PSMA1: variants seen among roughly 807,000 people sequenced by gnomAD.
The protein encoded by PSMA1 is proteasome subunit alpha type-1.
In PSMA1, 3 loss-of-function variants were observed where a neutral mutation model predicts 38.4. The observed-to-expected ratio is 0.08, with a 90% CI of 0.04 to 0.20. The LOEUF (loss-of-function observed/expected upper bound fraction) is 0.20, where lower values mean the gene tolerates loss of function less well. PSMA1 is among the 10% of genes least tolerant of loss of function. The pLI is 1.00. For missense variants in PSMA1, 227 were observed against 325.3 expected (o/e 0.70, Z 2.32); for synonymous variants, 101 against 107.1 (o/e 0.94, Z 0.35).
At chr11:14,556,876 C>T (rs1851945440) in intron 2 of PSMA1, among the ~76,000 whole-genome samples, 1 of 152,164 alleles carries the variant, frequency 6.6e-6, no homozygotes, top group South Asian at 2.1e-4. Flanking sequence ...TGCTCTGTTG[C>T]CCAGGCTAGG....
chr11:14,560,465 A>C (rs1851995870), intron 2 of PSMA1, among the ~76,000 whole-genome samples: 1 of 152,072 alleles, frequency 6.6e-6, no homozygotes, highest in South Asian at 2.1e-4. Context: ...TCTGGTTACT[A>C]TGTCCTTCTT....
intron 2 of PSMA1, among the ~76,000 whole-genome samples, chr11:14,571,854 G>A (rs558734074): frequency 2.0e-5 from 3 of 152,118 alleles, no homozygotes; most frequent in South Asian, 4.2e-4. Flanking sequence ...AAAAAAGCAG[G>A]GTTGCAAGTC....
chr11:14,642,249 C>G (rs920090499), intron 1 of PSMA1, among the ~76,000 whole-genome samples: 1 of 152,152 alleles, frequency 6.6e-6, no homozygotes, highest in Admixed American at 6.5e-5. Flanking sequence ...CAAAATGTAT[C>G]CATTTTTTAC....
chr11:14,582,803 T>C (rs1852298831), intron 2 of PSMA1, among the ~76,000 whole-genome samples: 1 of 151,978 alleles, frequency 6.6e-6, no homozygotes, highest in Admixed American at 6.6e-5. Flanking sequence ...AGTGTTAGGA[T>C]TACAGGCGTG....
chr11:14,634,199 G>T (rs1853081968), intron 1 of PSMA1, among the ~76,000 whole-genome samples: 2 of 152,124 alleles, frequency 1.3e-5, no homozygotes, highest in Non-Finnish European at 2.9e-5. Flanking sequence ...ATCCCCCCCG[G>T]TCTGTGGAAA....
chr11:14,617,875 G>A (rs1376258179), intron 1 of PSMA1, among the ~76,000 whole-genome samples: 1 of 152,112 alleles, frequency 6.6e-6, no homozygotes, highest in Non-Finnish European at 1.5e-5. Context: ...CCTTGCCTAG[G>A]AGAGAGAAGT....
chr11:14,505,320 A>G, intron 9 of PSMA1, 72 bp from the exon 10 acceptor site: 1 of 1,250,364 alleles, frequency 8.0e-7, no homozygotes, highest in African/African-American at 1.5e-5. Flanking sequence ...AATCACAAAT[A>G]TTACGTTATT....
chr11:14,533,805 G>A (rs982400701), intron 2 of PSMA1, among the ~76,000 whole-genome samples: 2 of 151,950 alleles, frequency 1.3e-5, no homozygotes, highest in African/African-American at 4.8e-5. Flanking sequence ...AGCAGTGTTT[G>A]CTTTTTGCCT....
chr11:14,517,769 TAAA>T (rs59770964), intron 3 of PSMA1, 24 bp from the exon 4 acceptor site: 15,505 of 1,289,806 alleles, frequency 0.012, no homozygotes, highest in South Asian at 0.019. Context: ...TTATAAGATG[TAAA>T]AAAAAAAAAA....
intron 4 of PSMA1, among the ~76,000 whole-genome samples, chr11:14,515,737 A>G (rs571094540): frequency 1.3e-5 from 2 of 151,462 alleles, no homozygotes; most frequent in African/African-American, 4.8e-5. Context: ...TATTTTTAGT[A>G]GAGACAGGGT....
At chr11:14,544,473 A>G (rs897180683) in intron 2 of PSMA1, among the ~76,000 whole-genome samples, 2 of 152,248 alleles carry the variant, frequency 1.3e-5, no homozygotes, top group Non-Finnish European at 2.9e-5. Flanking sequence ...TCACAGTTCA[A>G]TAATAAAAAG....
upstream of PSMA1, among the ~76,000 whole-genome samples, chr11:14,522,612 T>C (rs1485404573): frequency 1.3e-5 from 2 of 152,172 alleles, no homozygotes; most frequent in African/African-American, 4.8e-5. Context: ...ATTTATAGTT[T>C]TTTATTACTA....
chr11:14,507,254 C>A (rs936053068), intron 9 of PSMA1, among the ~76,000 whole-genome samples: 1 of 151,864 alleles, frequency 6.6e-6, no homozygotes, highest in African/African-American at 2.4e-5. Context: ...CTGCAACCTC[C>A]GCCTCCCGGG....
intron 2 of PSMA1, among the ~76,000 whole-genome samples, chr11:14,558,978 C>T (rs1380408779): frequency 6.6e-6 from 1 of 152,216 alleles, no homozygotes; most frequent in East Asian, 1.9e-4. Flanking sequence ...TGCTGCAAGA[C>T]TCAGCCAGAC....
At chr11:14,536,843 C>T (rs1468748097) in intron 2 of PSMA1, among the ~76,000 whole-genome samples, 2 of 152,104 alleles carry the variant, frequency 1.3e-5, no homozygotes, top group African/African-American at 4.8e-5. Context: ...TCTCAATCTC[C>T]TGACCTCGTG....
At chr11:14,617,983 T>C (rs897796574) in intron 1 of PSMA1, among the ~76,000 whole-genome samples, 3 of 152,218 alleles carry the variant, frequency 2.0e-5, no homozygotes, top group Non-Finnish European at 2.9e-5. Context: ...GTTTGTAGCA[T>C]AGAAACTATG....
chr11:14,571,256 C>T (rs990679102), intron 2 of PSMA1, among the ~76,000 whole-genome samples: 7 of 152,058 alleles, frequency 4.6e-5, no homozygotes, highest in South Asian at 2.1e-4. Context: ...GTAGAGATGG[C>T]GTTTCACCAT....
chr11:14,510,047 CAG>C (rs1851318106), intron 8 of PSMA1, among the ~76,000 whole-genome samples: 1 of 152,218 alleles, frequency 6.6e-6, no homozygotes, highest in African/African-American at 2.4e-5. Flanking sequence ...AAATGCCAAA[CAG>C]AGTGACTGTT....
At chr11:14,623,246 C>T (rs985419414) in intron 1 of PSMA1, among the ~76,000 whole-genome samples, 7 of 152,128 alleles carry the variant, frequency 4.6e-5, no homozygotes, top group African/African-American at 1.2e-4. Flanking sequence ...ATGGGGGCCC[C>T]GTAAGACCAA....
Sources: gnomAD v4.1 joint callset for allele counts (sites outside exome capture counted in the v4.1 genomes callset) on GRCh38, gnomAD v4.1.1 for gene constraint, MANE v1.5 for transcripts, NCBI Gene and HGNC (gene_info 2026-07-23, HGNC 2026-07-21) for gene names.